The following PTPRT variants were observed in gnomAD, a reference collection of about 807,000 sequenced individuals.
PTPRT encodes receptor-type tyrosine-protein phosphatase T.
PTPRT carries 56 observed loss-of-function variants against 176.8 expected under a neutral mutation model. The ratio of observed to expected loss-of-function variants is 0.32; its 90% CI spans 0.26 to 0.40. The LOEUF (loss-of-function observed/expected upper bound fraction) is 0.40, where lower values mean the gene tolerates loss of function less well. PTPRT is among the 10% of genes least tolerant of loss of function. PTPRT has a pLI of 1.00. For synonymous variants in PTPRT, 783 were observed against 739.0 expected (o/e 1.06, Z -0.96); for missense variants, 1,540 against 1,908.2 (o/e 0.81, Z 3.60).
intron 1 of PTPRT, among the ~76,000 whole-genome samples, chr20:42,994,643 C>A (rs1423323226): frequency 6.6e-6 from 1 of 152,062 alleles, no homozygotes. Flanking sequence ...ACTAGTCTGA[C>A]TAATATAATG....
At chr20:42,570,776 C>G (rs1349764021) in intron 7 of PTPRT, among the ~76,000 whole-genome samples, 2 of 151,926 alleles carry the variant, frequency 1.3e-5, no homozygotes, top group African/African-American at 4.8e-5. Flanking sequence ...TTATAAAGAC[C>G]CTTGTGATAC....
intron 15 of PTPRT, among the ~76,000 whole-genome samples, chr20:42,232,679 C>T (rs1292892001): frequency 6.6e-6 from 1 of 151,938 alleles, no homozygotes; most frequent in Non-Finnish European, 1.5e-5. Flanking sequence ...GCCTCCAGTC[C>T]TTCACTTCCA....
At chr20:42,034,477 T>C in the PTPRT span, among the ~76,000 whole-genome samples, 3 of 152,152 alleles carry the variant, frequency 2.0e-5, no homozygotes, top group Admixed American at 1.3e-4. Flanking sequence ...GGACACTCAC[T>C]CCTGTGTCAT....
intron 11 of PTPRT, among the ~76,000 whole-genome samples, chr20:42,330,571 A>T (rs1460951039): frequency 2.6e-5 from 4 of 152,038 alleles, no homozygotes; most frequent in Non-Finnish European, 5.9e-5. Flanking sequence ...AACTTTAAGC[A>T]AGTCTATGTA....
intron 9 of PTPRT, among the ~76,000 whole-genome samples, chr20:42,444,494 C>T (rs2059346213): frequency 6.6e-6 from 1 of 152,190 alleles, no homozygotes; most frequent in Admixed American, 6.5e-5. Flanking sequence ...AGGATGGACT[C>T]AGAGGCTGTG....
intron 1 of PTPRT, among the ~76,000 whole-genome samples, chr20:43,000,331 C>T (rs917175575): frequency 6.6e-6 from 1 of 151,460 alleles, no homozygotes; most frequent in African/African-American, 2.4e-5. Context: ...AAAATATACA[C>T]TTCCATTCCA....
chr20:42,247,627 A>G (rs995224300), intron 14 of PTPRT, among the ~76,000 whole-genome samples: 1 of 152,310 alleles, frequency 6.6e-6, no homozygotes, highest in Admixed American at 6.5e-5. Context: ...GGTTTGGTTA[A>G]TAATGTAGAA....
chr20:42,978,650 T>C (rs1383488014), intron 1 of PTPRT, among the ~76,000 whole-genome samples: 1 of 152,036 alleles, frequency 6.6e-6, no homozygotes, highest in Non-Finnish European at 1.5e-5. Context: ...CGGCACAAGA[T>C]ACAGGTCATA....
At chr20:42,214,049 G>A (rs961437770) in intron 15 of PTPRT, among the ~76,000 whole-genome samples, 2 of 152,096 alleles carry the variant, frequency 1.3e-5, no homozygotes, top group African/African-American at 2.4e-5. Context: ...CTACAACACC[G>A]TGAGGCCAGG....
intron 1 of PTPRT, among the ~76,000 whole-genome samples, chr20:43,107,993 G>T (rs1207469063): frequency 6.6e-6 from 1 of 152,202 alleles, no homozygotes; most frequent in Non-Finnish European, 1.5e-5. Context: ...AGAAATGGGA[G>T]TGAAAATGTT....
At chr20:42,184,553 T>C (rs1278078534) in intron 16 of PTPRT, among the ~76,000 whole-genome samples, 7 of 116,342 alleles carry the variant, frequency 6.0e-5, no homozygotes, top group Admixed American at 2.8e-4. Flanking sequence ...CTTCTTCTTC[T>C]TCTTCTTATT....
At chr20:42,486,287 G>T (rs1265829454) in intron 7 of PTPRT, among the ~76,000 whole-genome samples, 1 of 152,086 alleles carries the variant, frequency 6.6e-6, no homozygotes, top group Non-Finnish European at 1.5e-5. Flanking sequence ...TTTCCTCCTT[G>T]ACTTTCATTT....
rs142754559 is a variant in PTPRT at position 42,524,035 on chromosome 20, T to A, written c.1154-51473A>T. 3.6e-3 allele frequency among the ~76,000 whole-genome samples: 550 copies of A among 152,234 alleles called. 5 individuals are homozygous for A. Among genetic ancestry groups the A allele is most frequent in the African/African-American group, 0.013 (523 of 41,540 alleles). On this transcript the variant is annotated intron_variant, in intron 7 of 30. Coordinates refer to ENST00000373187, the MANE Select transcript of PTPRT (RefSeq NM_007050.6). ...GCACACATCTCAGTTGAAGTCTAAGTAGTATCAATACATCACTTCCACAGC... is the reference window on the plus strand; with the variant it reads ...GCACACATCTCAGTTGAAGTCTAAGAAGTATCAATACATCACTTCCACAGC...
chr20:42,589,853 T>C (rs1182903073), intron 7 of PTPRT, among the ~76,000 whole-genome samples: 2 of 152,164 alleles, frequency 1.3e-5, no homozygotes, highest in African/African-American at 4.8e-5. Flanking sequence ...AAATACATAT[T>C]GAGCACTGTG....
At chr20:42,191,968 C>G (rs1043966956) in intron 16 of PTPRT, among the ~76,000 whole-genome samples, 19 of 151,872 alleles carry the variant, frequency 1.3e-4, no homozygotes, top group African/African-American at 4.6e-4. Flanking sequence ...ATGTACTGAT[C>G]AACAACAATG....
intron 15 of PTPRT, among the ~76,000 whole-genome samples, chr20:42,216,453 C>T (rs2055772587): frequency 6.6e-6 from 1 of 152,210 alleles, no homozygotes; most frequent in Admixed American, 6.5e-5. Context: ...CAAATCATCA[C>T]TTCTTTCAGG....
At chr20:42,144,558 T>A (rs1377449809) in intron 17 of PTPRT, among the ~76,000 whole-genome samples, 1 of 151,710 alleles carries the variant, frequency 6.6e-6, no homozygotes, top group Non-Finnish European at 1.5e-5. Context: ...TCAAGTGGTA[T>A]GGAAACACAG....
At chr20:42,199,196 G>A (rs778511827) in intron 16 of PTPRT, 44 bp downstream of exon 16, 25 of 1,603,882 alleles carry the variant, frequency 1.6e-5, no homozygotes, top group Non-Finnish European at 2.1e-5. Context: ...CTAGGGCTGA[G>A]CTGGACCACG....
intron 30 of PTPRT, among the ~76,000 whole-genome samples, chr20:42,081,461 C>T (rs1417974519): frequency 6.6e-6 from 1 of 152,224 alleles, no homozygotes; most frequent in African/African-American, 2.4e-5. Context: ...GCTCTGCCCA[C>T]ACACTCTCTT....
Sources: allele counts gnomAD v4.1 joint callset (sites outside exome capture counted in the v4.1 genomes callset), GRCh38; gene constraint gnomAD v4.1.1; transcripts MANE v1.5; gene names NCBI Gene and HGNC (gene_info 2026-07-23, HGNC 2026-07-21).